The following DDO variants were observed in gnomAD, a reference collection of about 807,000 sequenced individuals.
DDO encodes D-aspartate oxidase, DDO.
Under a neutral mutation model 16.8 loss-of-function variants are expected in DDO, and 16 were observed. That is an observed-to-expected ratio of 0.95 (90% CI 0.65 to 1.45). The LOEUF is 1.45. Ranked by LOEUF, DDO falls within the 40% of genes most tolerant of loss-of-function variation. The probability of loss-of-function intolerance (pLI) is 0.00; values close to 1 mark genes in which losing one functional copy is unlikely to be tolerated. For missense variants in DDO, 429 were observed against 420.3 expected, an observed-to-expected ratio of 1.02 and a Z score of -0.18; for synonymous variants, 180 against 167.2, an observed-to-expected ratio of 1.08 and a Z score of -0.59.
In DDO at chr6:110,406,732, C is replaced by T. The variant is rs969093394; in HGVS notation, c.281+1602G>A. 2.6e-5 allele frequency among the ~76,000 whole-genome samples: 4 copies of T among 152,094 alleles called. No homozygotes were observed. In the East Asian group the frequency reaches 7.7e-4, roughly 29 times the overall value. ...GAATGCTGTCTCCTTCGTCTCCCACCCTGCCCCGCCCCCACTTCACCTCTA... is the reference window on the plus strand; with the variant it reads ...GAATGCTGTCTCCTTCGTCTCCCACTCTGCCCCGCCCCCACTTCACCTCTA... On this transcript the variant is annotated intron_variant, in intron 3 of 4. Transcript: ENST00000368924.
At position 110,409,309 on chromosome 6, in the gene DDO, T is replaced by C. The variant is rs150713768; in HGVS notation, c.173-867A>G. Among the ~76,000 whole-genome samples, 54 of 152,322 alleles carry C rather than the reference T, an allele frequency of 3.5e-4. No individual in the cohort carries two copies. The East Asian group carries it at 0.01, about 28-fold the overall frequency. ...GACAAATCCAGCTGTGGTTGAAGTA[T>C]GTGGCCGTCTGATTCCTGTAGAAGG... is the stretch of plus-strand genomic sequence containing the variant. On this transcript the variant is annotated intron_variant, in intron 2 of 4. Coordinates refer to ENST00000368924, the MANE Select transcript of DDO (RefSeq NM_001372108.2).
chr6:110,395,645 C>G (rs1255921607), intron 4 of DDO, among the ~76,000 whole-genome samples: 3 of 152,068 alleles, frequency 2.0e-5, no homozygotes, highest in Admixed American at 1.3e-4. Flanking sequence ...GCGCTATCTA[C>G]TTTCAAGGCC....
chr6:110,411,061 G>A (rs2114840864), intron 2 of DDO, among the ~76,000 whole-genome samples: 1 of 152,270 alleles, frequency 6.6e-6, no homozygotes, highest in East Asian at 1.9e-4. Flanking sequence ...TAGGACCCCA[G>A]CCTCTTCCCC....
chr6:110,397,679 C>T (rs1333463666), intron 4 of DDO, among the ~76,000 whole-genome samples: 1 of 152,176 alleles, frequency 6.6e-6, no homozygotes, highest in African/African-American at 2.4e-5. Flanking sequence ...GGTCAAGCTA[C>T]TGATAAAAGT....
chr6:110,404,915 A>C lies in DDO; in HGVS notation c.317T>G (p.Val106Gly). ...QIFQSTPTEE[V>G]PFWADVVLGF... Reference sequence around the variant, plus strand: ...CAGAACCACGTCAGCCCAGAATGGCACTTCTTCAGTCGGAGTGCTCTGAAA... The same window carrying C: ...CAGAACCACGTCAGCCCAGAATGGCCCTTCTTCAGTCGGAGTGCTCTGAAA... Residue 106 changes from valine to glycine, a missense_variant, in exon 4 of 5, where the codon GTG (valine) becomes GGG (glycine). Val to Gly is a moderately radical substitution (Grantham distance 109). Coordinates refer to ENST00000368924, the MANE Select transcript of DDO (RefSeq NM_001372108.2). 4 of 1,614,240 alleles carry C rather than the reference A, an allele frequency of 2.5e-6. No homozygotes were observed. The highest frequency in any genetic ancestry group is 3.4e-6 in the Non-Finnish European group (4 of 1,180,034).
chr6:110,410,370 G>A (rs1332326737), intron 2 of DDO, among the ~76,000 whole-genome samples: 1 of 152,258 alleles, frequency 6.6e-6, no homozygotes, highest in Non-Finnish European at 1.5e-5. Flanking sequence ...GCAAGGGAGA[G>A]CCTGGAAAAT....
chr6:110,388,939 A>C (rs1773057795), downstream of DDO: 1 of 392,574 alleles, frequency 2.5e-6, no homozygotes, highest in Non-Finnish European at 3.5e-6. Context: ...TCTTTGAAGT[A>C]AATGAAGATA....
chr6:110,396,498 C>T (rs1017193435), intron 4 of DDO, among the ~76,000 whole-genome samples: 3 of 152,090 alleles, frequency 2.0e-5, no homozygotes, highest in African/African-American at 7.2e-5. Context: ...AACAACAGAA[C>T]CTAAATTCGG....
chr6:110,408,509 A>C, intron 2 of DDO, 67 bp from the exon 3 acceptor site: 1 of 1,418,706 alleles, frequency 7.0e-7, no homozygotes, highest in East Asian at 2.3e-5. Context: ...TGCTTCAAAT[A>C]AGCTCCTTCC....
intron 4 of DDO, among the ~76,000 whole-genome samples, chr6:110,403,818 T>A (rs1476817397): frequency 2.0e-5 from 3 of 152,222 alleles, no homozygotes; most frequent in Admixed American, 6.5e-5. Flanking sequence ...CAATAGACCA[T>A]GAAATTATTT....
intron 2 of DDO, among the ~76,000 whole-genome samples, chr6:110,409,870 A>C (rs1773790955): frequency 6.6e-6 from 1 of 152,262 alleles, no homozygotes; most frequent in African/African-American, 2.4e-5. Flanking sequence ...TGCAGAAGTC[A>C]TCCCAAAGAA....
chr6:110,405,457 A>G (rs947394846), intron 3 of DDO, among the ~76,000 whole-genome samples: 1 of 152,254 alleles, frequency 6.6e-6, no homozygotes, highest in Non-Finnish European at 1.5e-5. Flanking sequence ...GGGCAAATAA[A>G]ACATCTTAAA....
At chr6:110,391,401 G>A (rs182749657), downstream of DDO, among the ~76,000 whole-genome samples, 14 of 149,180 alleles carry the variant, frequency 9.4e-5, no homozygotes, top group East Asian at 2.7e-3. Flanking sequence ...CCAGGCTGGA[G>A]TGTAATGGTG....
chr6:110,404,993 A>G, intron 3 of DDO, 43 bp from the exon 4 acceptor site: 1 of 1,541,612 alleles, frequency 6.5e-7, no homozygotes. Flanking sequence ...AATTTGTGAA[A>G]TAACATATTT....
At chr6:110,389,517 C>G (rs566162666), downstream of DDO, among the ~76,000 whole-genome samples, 2 of 152,190 alleles carry the variant, frequency 1.3e-5, no homozygotes, top group Non-Finnish European at 2.9e-5. Flanking sequence ...ATCACACTTA[C>G]ATTTGGCAGA....
intron 2 of DDO, among the ~76,000 whole-genome samples, chr6:110,412,565 C>T (rs1773894952): frequency 6.6e-6 from 1 of 152,192 alleles, no homozygotes. Context: ...AATGAGCCAT[C>T]ATCAGAAGCG....
intron 2 of DDO, among the ~76,000 whole-genome samples, chr6:110,409,648 T>C (rs557491030): frequency 6.6e-6 from 1 of 152,346 alleles, no homozygotes; most frequent in African/African-American, 2.4e-5. Flanking sequence ...CATGTGCCCA[T>C]GTGAAATTAA....
chr6:110,404,967 G>A lies in DDO; in HGVS notation c.282-17C>T. The A allele has an allele frequency of 1.2e-6, 2 of 1,607,702 alleles. No individual in the cohort carries two copies. The highest frequency in any genetic ancestry group is 1.7e-6 in the Non-Finnish European group (2 of 1,176,378). On this transcript the variant is annotated splice_polypyrimidine_tract_variant and intron_variant, in intron 3 of 4. Transcript: ENST00000368924. Reference sequence around the variant, plus strand: ...ATCTGCCAACTCAAACGTATTAAGTGAACATTTTTTCCTGAAATTTGTGAA... The same window carrying A: ...ATCTGCCAACTCAAACGTATTAAGTAAACATTTTTTCCTGAAATTTGTGAA...
At chr6:110,399,409 C>T (rs1773397874) in intron 4 of DDO, among the ~76,000 whole-genome samples, 1 of 152,214 alleles carries the variant, frequency 6.6e-6, no homozygotes, top group Non-Finnish European at 1.5e-5. Flanking sequence ...TAGGTGGCAA[C>T]AAAATAGACC....
Sources: gnomAD v4.1 joint callset for allele counts (sites outside exome capture counted in the v4.1 genomes callset) on GRCh38, gnomAD v4.1.1 for gene constraint, MANE v1.5 for transcripts, NCBI Gene and HGNC (gene_info 2026-07-23, HGNC 2026-07-21) for gene names.